The following EXOC6B variants were observed in gnomAD, a reference collection of about 807,000 sequenced individuals.
The protein encoded by EXOC6B is SEC15 homolog B.
Under a neutral mutation model 113.5 loss-of-function variants are expected in EXOC6B, and 54 were observed. The observed-to-expected ratio is 0.48, with a 90% confidence interval of 0.38 to 0.60. The LOEUF (loss-of-function observed/expected upper bound fraction) is 0.60. Ranked by LOEUF, EXOC6B falls within the 20% of genes least tolerant of loss-of-function variation. The probability of loss-of-function intolerance (pLI) is 0.00; values close to 1 mark genes in which losing one functional copy is unlikely to be tolerated. For missense variants in EXOC6B, 797 were observed against 977.5 expected (o/e 0.82, Z 2.46); for synonymous variants, 357 against 339.0 (o/e 1.05, Z -0.58).
At chr2:72,598,630 A>G (rs1670217582) in intron 6 of EXOC6B, among the ~76,000 whole-genome samples, 1 of 152,056 alleles carries the variant, frequency 6.6e-6, no homozygotes, top group Non-Finnish European at 1.5e-5. Flanking sequence ...AGACTGGTAA[A>G]GTTGATAAAT....
chr2:72,199,099 CAGACGAAAGAACAG>C (rs1452441549), intron 20 of EXOC6B, among the ~76,000 whole-genome samples: 1 of 152,196 alleles, frequency 6.6e-6, no homozygotes, highest in Non-Finnish European at 1.5e-5. Context: ...GTGTGAATAT[CAGACGAAAGAACAG>C]AGTCCCACCC....
At chr2:72,523,107 C>T (rs2105724243) in intron 8 of EXOC6B, among the ~76,000 whole-genome samples, 1 of 152,266 alleles carries the variant, frequency 6.6e-6, no homozygotes, top group South Asian at 2.1e-4. Context: ...ATGAATGAGG[C>T]TTGTTTTTGC....
intron 1 of EXOC6B, among the ~76,000 whole-genome samples, chr2:72,783,186 G>GT (rs200092186): frequency 0.26 from 37,154 of 142,740 alleles, 5,890 homozygotes; most frequent in African/African-American, 0.46. Flanking sequence ...GTTTGTTGGG[G>GT]TTTTTTTTTT....
intron 20 of EXOC6B, among the ~76,000 whole-genome samples, chr2:72,194,843 T>C (rs1346453456): frequency 6.6e-6 from 1 of 152,080 alleles, no homozygotes; most frequent in African/African-American, 2.4e-5. Flanking sequence ...TACCTGAGCT[T>C]TGCAACAACG....
At chr2:72,304,961 G>A (rs1686745636) in intron 20 of EXOC6B, among the ~76,000 whole-genome samples, 2 of 152,284 alleles carry the variant, frequency 1.3e-5, no homozygotes, top group African/African-American at 2.4e-5. Flanking sequence ...AGTATTGGGA[G>A]CAGACATATC....
At chr2:72,213,006 G>A (rs1680291840) in intron 20 of EXOC6B, among the ~76,000 whole-genome samples, 1 of 139,782 alleles carries the variant, frequency 7.2e-6, no homozygotes. Flanking sequence ...ATTTCCTCAA[G>A]AGAATATGAC....
intron 19 of EXOC6B, among the ~76,000 whole-genome samples, chr2:72,364,075 C>T (rs1572972499): frequency 1.3e-5 from 2 of 152,192 alleles, no homozygotes; most frequent in African/African-American, 2.4e-5. Context: ...GGGAAAATAC[C>T]TCATGCACAC....
At chr2:72,707,947 T>A (rs948274270) in intron 6 of EXOC6B, among the ~76,000 whole-genome samples, 1 of 152,054 alleles carries the variant, frequency 6.6e-6, no homozygotes, top group African/African-American at 2.4e-5. Context: ...GATAAAAACA[T>A]ATTGAAAGGA....
At chr2:72,300,955 G>A (rs57730885) in intron 20 of EXOC6B, among the ~76,000 whole-genome samples, 35,423 of 152,078 alleles carry the variant, frequency 0.23, 8,235 homozygotes, top group African/African-American at 0.61. Context: ...GGAGGTGCAG[G>A]CTGGAGCTGT....
At chr2:72,210,504 A>C (rs558344301) in intron 20 of EXOC6B, among the ~76,000 whole-genome samples, 45 of 152,320 alleles carry the variant, frequency 3.0e-4, no homozygotes, top group African/African-American at 9.9e-4. Flanking sequence ...GACACAACAG[A>C]TACTCAATAA....
At chr2:72,421,050 T>C (rs1558650701) in intron 18 of EXOC6B, among the ~76,000 whole-genome samples, 1 of 152,254 alleles carries the variant, frequency 6.6e-6, no homozygotes, top group Non-Finnish European at 1.5e-5. Context: ...GAGAAGTGTC[T>C]GTTCATATCC....
At chr2:72,493,334 C>A (rs1199805346) in intron 15 of EXOC6B, among the ~76,000 whole-genome samples, 2 of 124,376 alleles carry the variant, frequency 1.6e-5, no homozygotes, top group African/African-American at 8.7e-5. Context: ...CCCCCCCCCC[C>A]GCATTTTTAC....
At chr2:72,740,731 G>A (rs1681255510) in intron 2 of EXOC6B, among the ~76,000 whole-genome samples, 1 of 152,162 alleles carries the variant, frequency 6.6e-6, no homozygotes, top group Non-Finnish European at 1.5e-5. Context: ...GTCAAACTGA[G>A]TTTCTGTTTA....
intron 19 of EXOC6B, among the ~76,000 whole-genome samples, chr2:72,361,128 G>A (rs766850917): frequency 4.4e-4 from 67 of 152,038 alleles, no homozygotes; most frequent in Non-Finnish European, 8.2e-4. Flanking sequence ...AGAGAAGAAA[G>A]GAATTACATC....
At position 72,521,204 on chromosome 2, in the gene EXOC6B, T is replaced by A. The variant is rs139080817; in HGVS notation, c.916-6078A>T. On this transcript the variant is annotated intron_variant, in intron 8 of 21. Transcript: ENST00000272427. The stretch of plus-strand genomic sequence containing the variant: ...CATGTGGGCAGAAGAGTTCCTCCCC[T>A]CCATTCCTCCCTCTGGAGGATAAGG... Among the ~76,000 whole-genome samples the A allele has an allele frequency of 4.9e-3, 750 of 152,190 alleles. 6 individuals carry two copies. The highest frequency in any genetic ancestry group is 0.017 in the African/African-American group (686 of 41,520).
At chr2:72,381,876 C>A (rs967580029) in intron 18 of EXOC6B, among the ~76,000 whole-genome samples, 1 of 152,072 alleles carries the variant, frequency 6.6e-6, no homozygotes, top group Non-Finnish European at 1.5e-5. Context: ...GATTTTATGT[C>A]TTTGATTACT....
chr2:72,387,852 C>T (rs543469741), intron 18 of EXOC6B, among the ~76,000 whole-genome samples: 1 of 151,816 alleles, frequency 6.6e-6, no homozygotes, highest in African/African-American at 2.4e-5. Context: ...TTCCTTTTTC[C>T]TATTGAGCTG....
intron 20 of EXOC6B, among the ~76,000 whole-genome samples, chr2:72,218,523 T>C (rs1398051272): frequency 6.6e-6 from 1 of 152,210 alleles, no homozygotes; most frequent in African/African-American, 2.4e-5. Flanking sequence ...ATGATTTATT[T>C]CTTCACTGTC....
Position 72,176,377 on chromosome 2 carries a change from G to A in EXOC6B, c.*2958C>T, listed in dbSNP as rs1008877436. 2 of 152,270 alleles carry A rather than the reference G, an allele frequency of 1.3e-5. No homozygotes were observed. Among genetic ancestry groups the A allele is most frequent in the African/African-American group, 4.8e-5 (2 of 41,444 alleles). 9.4% of individuals were successfully genotyped at this position (152,270 alleles called of 1,614,324 possible). ...GGGAATTTCTGCAGCAGTTCCTAGA[G>A]AGTGTGCTCAGAGGCCTGATGAGGA... On this transcript the variant is annotated 3_prime_UTR_variant, in exon 22 of 22. Coordinates refer to ENST00000272427, the MANE Select transcript of EXOC6B (RefSeq NM_015189.3).
Sources: gnomAD v4.1 joint callset for allele counts (sites outside exome capture counted in the v4.1 genomes callset) on GRCh38, gnomAD v4.1.1 for gene constraint, MANE v1.5 for transcripts, NCBI Gene and HGNC (gene_info 2026-07-23, HGNC 2026-07-21) for gene names.